SPATA9: variants seen among roughly 807,000 people sequenced by gnomAD.
SPATA9 encodes the protein spermatogenesis-associated protein 9.
In SPATA9, 27 loss-of-function variants were observed where a neutral mutation model predicts 25.5. The ratio of observed to expected loss-of-function variants is 1.06; its 90% CI spans 0.78 to 1.46. The LOEUF (loss-of-function observed/expected upper bound fraction) is 1.46. Ranked by LOEUF, SPATA9 falls within the 40% of genes most tolerant of loss-of-function variation. SPATA9 has a pLI of 0.00. For synonymous variants in SPATA9, 102 were observed against 105.7 expected (o/e 0.97, Z 0.21); for missense variants, 282 against 297.5 (o/e 0.95, Z 0.38).
the SPATA9 span, among the ~76,000 whole-genome samples, chr5:95,722,035 AATGAGGACC>A: frequency 4.6e-5 from 7 of 152,206 alleles, no homozygotes; most frequent in Non-Finnish European, 8.8e-5. Context: ...AGTTGAGAAA[AATGAGGACC>A]AAATGTATTG....
chr5:95,694,860 T>C (rs982589813), intron 1 of SPATA9, among the ~76,000 whole-genome samples: 2 of 152,188 alleles, frequency 1.3e-5, no homozygotes, highest in African/African-American at 4.8e-5. Flanking sequence ...AATTCTTATT[T>C]GTCCAAGACA....
At chr5:95,705,886 C>A in the SPATA9 span, among the ~76,000 whole-genome samples, 6 of 152,142 alleles carry the variant, frequency 3.9e-5, 1 homozygote, top group African/African-American at 1.4e-4. Context: ...TACTCAGAAA[C>A]CTTCCCAGAT....
chr5:95,681,694 TAA>T (rs1753474844), intron 2 of SPATA9, among the ~76,000 whole-genome samples: 1 of 152,232 alleles, frequency 6.6e-6, no homozygotes, highest in African/African-American at 2.4e-5. Flanking sequence ...CAGGCGTGGT[TAA>T]AGTTAGCTCT....
the SPATA9 span, among the ~76,000 whole-genome samples, chr5:95,704,070 C>A: frequency 6.6e-6 from 1 of 152,070 alleles, no homozygotes; most frequent in Non-Finnish European, 1.5e-5. Flanking sequence ...CACATACACA[C>A]ACACACACAC....
chr5:95,673,800 A>G (rs890644736), intron 3 of SPATA9, among the ~76,000 whole-genome samples: 1 of 147,130 alleles, frequency 6.8e-6, no homozygotes, highest in Non-Finnish European at 1.5e-5. Context: ...GCTGAAGTGC[A>G]GTGGTGCAAT....
chr5:95,705,050 T>A, the SPATA9 span, among the ~76,000 whole-genome samples: 2 of 152,164 alleles, frequency 1.3e-5, no homozygotes, highest in East Asian at 1.9e-4. Flanking sequence ...GCTCAAGTGA[T>A]CCTCCCACTT....
intron 1 of SPATA9, among the ~76,000 whole-genome samples, chr5:95,696,473 T>C (rs533434702): frequency 1.3e-5 from 2 of 152,160 alleles, no homozygotes; most frequent in South Asian, 2.1e-4. Context: ...TTGGGTGAAA[T>C]ACATAAAGAA....
the SPATA9 span, among the ~76,000 whole-genome samples, chr5:95,716,561 G>A: frequency 6.6e-6 from 1 of 152,198 alleles, no homozygotes; most frequent in Non-Finnish European, 1.5e-5. Flanking sequence ...CAGGCTCCTA[G>A]GTGGAAGGTA....
At chr5:95,719,124 G>A in the SPATA9 span, among the ~76,000 whole-genome samples, 18 of 152,176 alleles carry the variant, frequency 1.2e-4, no homozygotes, top group Non-Finnish European at 8.8e-5. Flanking sequence ...ATCTGGGGTC[G>A]AGAGAAAGAC....
intron 1 of SPATA9, among the ~76,000 whole-genome samples, chr5:95,694,670 T>C (rs547005399): frequency 1.3e-5 from 2 of 152,220 alleles, no homozygotes; most frequent in African/African-American, 2.4e-5. Context: ...GAACCAATCA[T>C]CTTAGAGATT....
chr5:95,706,224 T>G, the SPATA9 span, among the ~76,000 whole-genome samples: 2 of 151,852 alleles, frequency 1.3e-5, no homozygotes, highest in South Asian at 4.2e-4. Flanking sequence ...GGTTTGGATT[T>G]GTGTCCCCAC....
chr5:95,678,950 TAAAG>T (rs994526200), intron 2 of SPATA9, among the ~76,000 whole-genome samples: 1 of 152,158 alleles, frequency 6.6e-6, no homozygotes, highest in African/African-American at 2.4e-5. Flanking sequence ...AAATGAGAAA[TAAAG>T]TAACTAATTA....
chr5:95,675,382 G>C (rs1315946176), intron 3 of SPATA9, 30 bp downstream of exon 3: 1 of 1,541,630 alleles, frequency 6.5e-7, no homozygotes, highest in Admixed American at 2.1e-5. Flanking sequence ...CTTAAAAAAG[G>C]GGAATTGTGC....
At chr5:95,680,189 C>T (rs1026422341) in intron 2 of SPATA9, among the ~76,000 whole-genome samples, 15 of 152,158 alleles carry the variant, frequency 9.9e-5, no homozygotes, top group Non-Finnish European at 2.2e-4. Flanking sequence ...TGAGCCACCG[C>T]GCCTGGCCCA....
chr5:95,652,547 G>C (rs1288387306), downstream of SPATA9: 3 of 515,368 alleles, frequency 5.8e-6, no homozygotes, highest in East Asian at 1.0e-4. Flanking sequence ...ACAGTCTTTG[G>C]CACTACAGTT....
chr5:95,660,205 G>A (rs1287332404), intron 4 of SPATA9, among the ~76,000 whole-genome samples: 1 of 152,090 alleles, frequency 6.6e-6, no homozygotes, highest in South Asian at 2.1e-4. Flanking sequence ...TTCATAGATG[G>A]TACCTTCTAT....
At chr5:95,711,050 CGCTCCTGGTGACTCATCGG>C in the SPATA9 span, among the ~76,000 whole-genome samples, 1 of 152,072 alleles carries the variant, frequency 6.6e-6, no homozygotes, top group Non-Finnish European at 1.5e-5. Flanking sequence ...GCTCTAAAAA[CGCTCCTGGTGACTCATCGG>C]GCCCCTGGAT....
chr5:95,726,449 G>A, the SPATA9 span, among the ~76,000 whole-genome samples: 5 of 152,168 alleles, frequency 3.3e-5, no homozygotes, highest in African/African-American at 1.2e-4. Context: ...TTGGTGTTTA[G>A]TTTTTAAGTT....
chr5:95,658,922 T>C lies in SPATA9; in HGVS notation c.475-9A>G. ...GCATTAACACAGACTGCCTATACAA[T>C]AAAAAGAGTTTGTAAAGTGAAGTTT... On this transcript the variant is annotated splice_polypyrimidine_tract_variant and intron_variant, in intron 4 of 4. Transcript: ENST00000274432. The C allele has an allele frequency of 6.4e-7, 1 of 1,573,216 alleles. No individual in the cohort carries two copies. Among genetic ancestry groups the C allele is most frequent in the Non-Finnish European group, 8.6e-7 (1 of 1,164,028 alleles).
Sources: allele counts gnomAD v4.1 joint callset (sites outside exome capture counted in the v4.1 genomes callset), GRCh38; gene constraint gnomAD v4.1.1; transcripts MANE v1.5; gene names NCBI Gene and HGNC (gene_info 2026-07-23, HGNC 2026-07-21).